The following TBC1D5 variants were observed in gnomAD, a reference collection of about 807,000 sequenced individuals.
TBC1D5 encodes TBC1 domain family member 5.
A neutral mutation model predicts 100.3 loss-of-function variants in TBC1D5; 75 were observed. The observed-to-expected ratio is 0.75, with a 90% confidence interval of 0.62 to 0.91. TBC1D5 has a LOEUF of 0.91. Ranked by LOEUF, TBC1D5 falls within the 40% of genes least tolerant of loss-of-function variation. The probability of loss-of-function intolerance (pLI) is 0.00; values close to 1 mark genes in which losing one functional copy is unlikely to be tolerated. For synonymous variants in TBC1D5, 323 were observed against 325.6 expected, an observed-to-expected ratio of 0.99 and a Z score of 0.09; for missense variants, 910 against 942.4, an observed-to-expected ratio of 0.97 and a Z score of 0.45.
At chr3:17,417,460 C>T (rs918707067) in intron 4 of TBC1D5, among the ~76,000 whole-genome samples, 7 of 147,016 alleles carry the variant, frequency 4.8e-5, no homozygotes, top group South Asian at 2.1e-4. Context: ...TTTGTTCTTG[C>T]GAATAGTTTA....
At position 17,681,086 on chromosome 3, in the gene TBC1D5, A is replaced by G. The variant is rs79613473; in HGVS notation, c.-100-57173T>C. Among the ~76,000 whole-genome samples the G allele has an allele frequency of 5.5e-3, 830 of 151,580 alleles. 40 individuals are homozygous for G. Among genetic ancestry groups the G allele is most frequent in the African/African-American group, 0.02 (798 of 40,896 alleles). On this transcript the variant is annotated intron_variant, in intron 1 of 21. Coordinates refer to ENST00000253692, the Ensembl canonical transcript of TBC1D5. ...CTGTACTTTTACTTGTCATAATTAT[A>G]AAGAAGCTACTCTGAGAGCCCACAC...
intron 1 of TBC1D5, among the ~76,000 whole-genome samples, chr3:17,704,545 G>A (rs1380757259): frequency 3.6e-5 from 3 of 82,206 alleles, no homozygotes; most frequent in Admixed American, 1.3e-4. Context: ...CTGGCCGGGC[G>A]GGGGGCCGAC....
At chr3:17,481,920 T>C (rs993359684) in intron 3 of TBC1D5, among the ~76,000 whole-genome samples, 3 of 152,154 alleles carry the variant, frequency 2.0e-5, no homozygotes, top group African/African-American at 7.2e-5. Flanking sequence ...TTTATATTTT[T>C]AGTAGAGACG....
At chr3:17,238,654 T>C (rs1464540740) in intron 16 of TBC1D5, among the ~76,000 whole-genome samples, 1 of 152,158 alleles carries the variant, frequency 6.6e-6, no homozygotes, top group Non-Finnish European at 1.5e-5. Flanking sequence ...ATTCAACAAA[T>C]AGAGCTAACC....
intron 15 of TBC1D5, among the ~76,000 whole-genome samples, chr3:17,289,585 G>A (rs2081515909): frequency 6.7e-6 from 1 of 148,852 alleles, no homozygotes; most frequent in Non-Finnish European, 1.5e-5. Context: ...AGTGAGCCGA[G>A]ACCACACCTC....
At chr3:17,567,749 G>A (rs536926135) in intron 2 of TBC1D5, among the ~76,000 whole-genome samples, 4 of 151,746 alleles carry the variant, frequency 2.6e-5, no homozygotes, top group African/African-American at 9.6e-5. Flanking sequence ...AATATAAAAT[G>A]TATATACAGC....
chr3:17,714,797 C>G (rs987449149), intron 1 of TBC1D5, among the ~76,000 whole-genome samples: 1 of 152,082 alleles, frequency 6.6e-6, no homozygotes. Context: ...GACCCCATCT[C>G]TTAAAAAATA....
intron 3 of TBC1D5, among the ~76,000 whole-genome samples, chr3:17,496,187 G>T (rs2150680407): frequency 6.6e-6 from 1 of 152,204 alleles, no homozygotes; most frequent in South Asian, 2.1e-4. Flanking sequence ...TTAAATAATA[G>T]CTTGTACACT....
chr3:17,413,524 AT>A (rs1559834140), intron 4 of TBC1D5, among the ~76,000 whole-genome samples: 1 of 150,742 alleles, frequency 6.6e-6, no homozygotes, highest in African/African-American at 2.5e-5. Context: ...GTAATTATAT[AT>A]TTTAACATAT....
intron 1 of TBC1D5, among the ~76,000 whole-genome samples, chr3:17,633,580 A>T (rs1379898885): frequency 6.6e-6 from 1 of 152,196 alleles, no homozygotes. Flanking sequence ...GAGAGAACAG[A>T]GCTAAGGATC....
chr3:17,735,799 G>C (rs1042375066), intron 1 of TBC1D5, among the ~76,000 whole-genome samples: 32 of 152,324 alleles, frequency 2.1e-4, no homozygotes, highest in African/African-American at 6.3e-4. Flanking sequence ...GTCAGCAGCA[G>C]GTGTGCGACG....
At chr3:17,712,089 A>G (rs898090656) in intron 1 of TBC1D5, among the ~76,000 whole-genome samples, 9 of 152,204 alleles carry the variant, frequency 5.9e-5, no homozygotes, top group African/African-American at 1.9e-4. Flanking sequence ...ACTGCCCAGC[A>G]TCACAGGCTA....
intron 16 of TBC1D5, among the ~76,000 whole-genome samples, chr3:17,239,560 C>T (rs2076146181): frequency 3.3e-5 from 5 of 152,180 alleles, no homozygotes. Flanking sequence ...CAGCTGTGGC[C>T]TATTTGCCAT....
intron 13 of TBC1D5, among the ~76,000 whole-genome samples, chr3:17,368,137 T>C (rs1030077671): frequency 2.8e-5 from 4 of 143,328 alleles, no homozygotes; most frequent in African/African-American, 7.8e-5. Context: ...AGTAACAGCA[T>C]TAAATAAGCA....
intron 3 of TBC1D5, among the ~76,000 whole-genome samples, chr3:17,465,720 C>T (rs2095290240): frequency 6.6e-6 from 1 of 152,162 alleles, no homozygotes; most frequent in African/African-American, 2.4e-5. Context: ...ATGTGCTGTT[C>T]TCCAAATAGT....
intron 1 of TBC1D5, among the ~76,000 whole-genome samples, chr3:17,718,092 G>C (rs897931364): frequency 6.6e-6 from 1 of 152,162 alleles, no homozygotes; most frequent in African/African-American, 2.4e-5. Context: ...CACATTTGGA[G>C]AGCTAGCCCC....
chr3:17,729,016 T>TAAAAAAAAAAAAAAAAAAAAAA (rs34461809), intron 1 of TBC1D5, among the ~76,000 whole-genome samples: 1 of 29,602 alleles, frequency 3.4e-5, no homozygotes, highest in Non-Finnish European at 6.8e-5. Flanking sequence ...TGAAAATCAG[T>TAAAAAAAAAAAAAAAAAAAAAA]AAAAAAAAAA....
chr3:17,695,722 T>G (rs1192828430), intron 1 of TBC1D5, among the ~76,000 whole-genome samples: 1 of 152,204 alleles, frequency 6.6e-6, no homozygotes, highest in South Asian at 2.1e-4. Context: ...ATCTAGGACT[T>G]GAACTCAGCT....
intron 16 of TBC1D5, among the ~76,000 whole-genome samples, chr3:17,239,695 T>C (rs1424919760): frequency 6.6e-6 from 1 of 151,990 alleles, no homozygotes; most frequent in Non-Finnish European, 1.5e-5. Context: ...CTCTCATATT[T>C]TGTCTCTTGG....
Sources: gnomAD v4.1 joint callset for allele counts (sites outside exome capture counted in the v4.1 genomes callset) on GRCh38, gnomAD v4.1.1 for gene constraint, MANE v1.5 for transcripts, NCBI Gene and HGNC (gene_info 2026-07-23, HGNC 2026-07-21) for gene names.